HESX1: variants seen among roughly 807,000 people sequenced by gnomAD.
The protein encoded by HESX1 is homeobox expressed in ES cells 1.
In HESX1, 11 loss-of-function variants were observed where a neutral mutation model predicts 22.5. That is an observed-to-expected ratio of 0.49 (90% CI 0.31 to 0.81). The LOEUF (loss-of-function observed/expected upper bound fraction) is 0.81, where lower values mean the gene tolerates loss of function less well. Ranked by LOEUF, HESX1 falls within the 30% of genes least tolerant of loss-of-function variation. HESX1 has a pLI of 0.05. For missense variants in HESX1, 201 were observed against 212.6 expected (o/e 0.95, Z 0.34); for synonymous variants, 74 against 76.5 (o/e 0.97, Z 0.17).
upstream of HESX1, among the ~76,000 whole-genome samples, chr3:57,227,569 A>G (rs999585311): frequency 6.6e-6 from 1 of 152,218 alleles, no homozygotes; most frequent in African/African-American, 2.4e-5. Flanking sequence ...ATCCCAGGGC[A>G]GACACTGCCA....
intron 1 of HESX1, 105 bp downstream of exon 1, chr3:57,199,653 AAATT>A: frequency 4.3e-6 from 1 of 232,110 alleles, no homozygotes; most frequent in Non-Finnish European, 6.2e-6. Flanking sequence ...TAATAATAAT[AAATT>A]AAATTAAAGT....
chr3:57,199,900 C>G lies in HESX1; in HGVS notation c.19G>C (p.Glu7Gln). MSPSLQEGAQLGENKPS... is the reference protein window; with the variant it reads MSPSLQQGAQLGENKPS... ...TTGTTTTCCCCGAGCTGAGCGCCTTCCTGAAGGCTGGGAGACATCCTCTCG... is the reference window on the plus strand; with the variant it reads ...TTGTTTTCCCCGAGCTGAGCGCCTTGCTGAAGGCTGGGAGACATCCTCTCG... The change falls in exon 1 of 4, where the codon GAA becomes CAA. Residue 7 changes from glutamate (E) to glutamine (Q), a missense_variant. Transcript: ENST00000295934. 1 of 1,614,002 alleles carries G rather than the reference C, an allele frequency of 6.2e-7. No individual in the cohort carries two copies. Among genetic ancestry groups the G allele is most frequent in the Non-Finnish European group, 8.5e-7 (1 of 1,179,956 alleles).
chr3:57,200,781 G>T (rs2060481220), upstream of HESX1, among the ~76,000 whole-genome samples: 1 of 152,164 alleles, frequency 6.6e-6, no homozygotes, highest in Non-Finnish European at 1.5e-5. Flanking sequence ...TCAAAGAAAA[G>T]AACATAGTTT....
chr3:57,226,973 G>A (rs1358541963), upstream of HESX1, among the ~76,000 whole-genome samples: 1 of 152,178 alleles, frequency 6.6e-6, no homozygotes, highest in Non-Finnish European at 1.5e-5. Flanking sequence ...TAAAATTAGA[G>A]GCTAAAACTA....
chr3:57,209,580 T>G (rs888582921), intron 1 of HESX1, among the ~76,000 whole-genome samples: 1 of 148,656 alleles, frequency 6.7e-6, no homozygotes, highest in African/African-American at 2.5e-5. Flanking sequence ...GAGGTTGCAG[T>G]GAGCTGAGAT....
intron 1 of HESX1, among the ~76,000 whole-genome samples, chr3:57,205,503 C>T (rs1246785842): frequency 6.6e-6 from 1 of 152,176 alleles, no homozygotes; most frequent in Admixed American, 6.5e-5. Flanking sequence ...TCCTTATTTA[C>T]TTGATCTCAC....
chr3:57,227,599 C>T (rs1276868193), upstream of HESX1: 1 of 297,552 alleles, frequency 3.4e-6, no homozygotes, highest in East Asian at 5.4e-5. Context: ...CTTCCGACGC[C>T]CGCGCTCGCG....
chr3:57,205,378 T>G (rs77572591), intron 1 of HESX1, among the ~76,000 whole-genome samples: 4,489 of 152,258 alleles, frequency 0.029, 228 homozygotes, highest in African/African-American at 0.1. Flanking sequence ...CACTTCAGCC[T>G]AGGACACAGA....
At chr3:57,201,218 G>GA (rs2060483603), upstream of HESX1, among the ~76,000 whole-genome samples, 1 of 152,148 alleles carries the variant, frequency 6.6e-6, no homozygotes, top group Non-Finnish European at 1.5e-5. Context: ...TCCTCCTGAT[G>GA]AAAGCTCTCG....
At chr3:57,227,563 C>G (rs950070372), upstream of HESX1, among the ~76,000 whole-genome samples, 1 of 152,224 alleles carries the variant, frequency 6.6e-6, no homozygotes, top group Non-Finnish European at 1.5e-5. Context: ...AAGGCCATCC[C>G]AGGGCAGACA....
upstream of HESX1, among the ~76,000 whole-genome samples, chr3:57,202,086 T>G (rs1042868647): frequency 6.6e-6 from 1 of 150,764 alleles, no homozygotes; most frequent in Non-Finnish European, 1.5e-5. Flanking sequence ...GCCTGGCTAA[T>G]TTTTTTGTAT....
At chr3:57,224,705 A>G (rs1320832540) in intron 1 of HESX1, among the ~76,000 whole-genome samples, 2 of 152,180 alleles carry the variant, frequency 1.3e-5, no homozygotes, top group Non-Finnish European at 2.9e-5. Context: ...TTTAAAAGTA[A>G]AGCACCAGCA....
upstream of HESX1, among the ~76,000 whole-genome samples, chr3:57,204,798 CAAA>C (rs35358466): frequency 1.5e-3 from 195 of 134,450 alleles, 1 homozygote; most frequent in African/African-American, 4.4e-3. Flanking sequence ...AACCTTGTCT[CAAA>C]AAAAAAAAAA....
Position 57,221,953 on chromosome 3 carries a change from T to C in HESX1, c.-111+4343A>G, listed in dbSNP as rs1295701741. 2.0e-5 allele frequency among the ~76,000 whole-genome samples: 3 copies of C among 152,336 alleles called. No homozygotes were observed. In the South Asian group the frequency reaches 6.2e-4, roughly 32 times the overall value. ...CTTACTATGTTTATTTTTTATTGTC[T>C]TTCTCCCCACCATATCTACTAACCT... On this transcript the variant is annotated intron_variant, in intron 1 of 2. Transcript: ENST00000495160.
chr3:57,207,249 C>CACTAT (rs2060525175), intron 1 of HESX1, among the ~76,000 whole-genome samples: 1 of 152,170 alleles, frequency 6.6e-6, no homozygotes, highest in South Asian at 2.1e-4. Context: ...TATACTGGGC[C>CACTAT]ACAATATAGT....
chr3:57,218,426 A>C (rs1049526811), intron 1 of HESX1, among the ~76,000 whole-genome samples: 1 of 148,204 alleles, frequency 6.7e-6, no homozygotes, highest in Non-Finnish European at 1.5e-5. Context: ...TTTGGAAAGG[A>C]CATGATCTCA....
At chr3:57,198,364 TG>T (rs753824888) in intron 3 of HESX1, 26 bp downstream of exon 3, 2 of 1,547,578 alleles carry the variant, frequency 1.3e-6, no homozygotes, top group African/African-American at 2.7e-5. Flanking sequence ...TTCAACATCA[TG>T]AATAACAACT....
chr3:57,222,594 C>T (rs1327566195), intron 1 of HESX1, among the ~76,000 whole-genome samples: 1 of 152,132 alleles, frequency 6.6e-6, no homozygotes, highest in African/African-American at 2.4e-5. Context: ...TTGACTGTTC[C>T]TTCCAGAATT....
upstream of HESX1, among the ~76,000 whole-genome samples, chr3:57,201,917 A>ATCTATCTG (rs2060491120): frequency 1.3e-5 from 2 of 149,620 alleles, no homozygotes; most frequent in African/African-American, 5.0e-5. Context: ...CTATCTATCT[A>ATCTATCTG]TCTATCTATC....
Sources: gnomAD v4.1 joint callset for allele counts (sites outside exome capture counted in the v4.1 genomes callset) on GRCh38, gnomAD v4.1.1 for gene constraint, MANE v1.5 for transcripts, NCBI Gene and HGNC (gene_info 2026-07-23, HGNC 2026-07-21) for gene names.